The following KIAA0319 variants were observed in gnomAD, a reference collection of about 807,000 sequenced individuals.
KIAA0319 encodes the protein dyslexia-associated protein KIAA0319.
Under a neutral mutation model 108.4 loss-of-function variants are expected in KIAA0319, and 83 were observed. That is an observed-to-expected ratio of 0.77 (90% confidence interval 0.64 to 0.92). The LOEUF is 0.92. Among genes scored for constraint, KIAA0319 ranks in the 40% least tolerant of loss-of-function variants. The pLI, the probability that KIAA0319 is intolerant of heterozygous loss-of-function variation, is 0.00. For synonymous variants in KIAA0319, 484 were observed against 510.4 expected, an observed-to-expected ratio of 0.95 and a Z score of 0.70; for missense variants, 1,195 against 1,322.4, an observed-to-expected ratio of 0.90 and a Z score of 1.49.
chr6:24,580,360 C>T (rs1766306486), intron 7 of KIAA0319, among the ~76,000 whole-genome samples: 1 of 145,968 alleles, frequency 6.9e-6, no homozygotes, highest in Non-Finnish European at 1.5e-5. Context: ...GCTGTCAGGC[C>T]CTCAGGGTGG....
intron 16 of KIAA0319, among the ~76,000 whole-genome samples, chr6:24,562,244 T>C (rs1438510826): frequency 6.6e-6 from 1 of 152,260 alleles, no homozygotes; most frequent in Non-Finnish European, 1.5e-5. Flanking sequence ...GATTTATCAA[T>C]TTTGCTGATC....
chr6:24,564,430 T>A, intron 14 of KIAA0319, 90 bp from the exon 15 acceptor site: 1 of 1,525,818 alleles, frequency 6.6e-7, no homozygotes, highest in Non-Finnish European at 9.0e-7. Context: ...GTGTCCCATC[T>A]TTTTAACACA....
At chr6:24,611,163 T>C (rs1355253250) in intron 1 of KIAA0319, among the ~76,000 whole-genome samples, 1 of 151,168 alleles carries the variant, frequency 6.6e-6, no homozygotes, top group East Asian at 1.9e-4. Flanking sequence ...TTATAAGATG[T>C]ACAGTTTTTG....
chr6:24,590,888 G>GACA (rs1768365656), intron 3 of KIAA0319, among the ~76,000 whole-genome samples: 1 of 152,132 alleles, frequency 6.6e-6, no homozygotes, highest in African/African-American at 2.4e-5. Context: ...GGTCCTCTCT[G>GACA]ACAAACCCCT....
intron 1 of KIAA0319, among the ~76,000 whole-genome samples, chr6:24,613,447 G>C (rs1772680958): frequency 6.6e-6 from 1 of 152,030 alleles, no homozygotes; most frequent in Non-Finnish European, 1.5e-5. Context: ...TGTGCCCTGG[G>C]CAGCCCATTT....
chr6:24,586,730 G>T (rs904537280), intron 4 of KIAA0319, among the ~76,000 whole-genome samples: 1 of 149,176 alleles, frequency 6.7e-6, no homozygotes, highest in Non-Finnish European at 1.5e-5. Context: ...TTATAAACTT[G>T]TTTTTTTTTT....
chr6:24,588,189 G>A (rs895027591), intron 4 of KIAA0319, among the ~76,000 whole-genome samples: 5 of 152,190 alleles, frequency 3.3e-5, no homozygotes, highest in Non-Finnish European at 7.3e-5. Context: ...CAATGATCAC[G>A]ATTGTTATGA....
intron 10 of KIAA0319, among the ~76,000 whole-genome samples, chr6:24,574,420 G>C (rs1405383851): frequency 6.6e-6 from 1 of 152,160 alleles, no homozygotes; most frequent in East Asian, 1.9e-4. Context: ...CTGGGTGACA[G>C]AGTGAGACCC....
intron 1 of KIAA0319, among the ~76,000 whole-genome samples, chr6:24,622,021 G>T (rs899876290): frequency 1.3e-5 from 2 of 152,184 alleles, no homozygotes; most frequent in African/African-American, 4.8e-5. Context: ...GAAAAGGAGA[G>T]TCAACAGAGT....
chr6:24,549,614 A>C (rs992786682), intron 20 of KIAA0319, among the ~76,000 whole-genome samples: 1 of 152,208 alleles, frequency 6.6e-6, no homozygotes, highest in African/African-American at 2.4e-5. Flanking sequence ...TACTTGGGCA[A>C]GTTGCTAAAC....
chr6:24,545,363 T>C lies in KIAA0319; in HGVS notation c.*1802A>G, dbSNP rs923046817. ...ATGAGTATGTAAACTGCATATGTTATGTACATAAAGCGGTAAATGTTCACT... is the reference window on the plus strand; with the variant it reads ...ATGAGTATGTAAACTGCATATGTTACGTACATAAAGCGGTAAATGTTCACT... On this transcript the variant is annotated 3_prime_UTR_variant, in exon 21 of 21. Transcript: ENST00000378214. 1.8e-4 allele frequency: 27 copies of C among 152,208 alleles called. No homozygotes were observed. Among genetic ancestry groups the C allele is most frequent in the African/African-American group, 6.5e-4 (27 of 41,436 alleles). The allele number at this position is 152,208 out of a possible 1,614,324, so 9.4% of individuals were successfully genotyped here.
intron 18 of KIAA0319, among the ~76,000 whole-genome samples, chr6:24,555,244 C>A (rs1043818019): frequency 4.6e-5 from 7 of 152,174 alleles, no homozygotes; most frequent in Non-Finnish European, 7.3e-5. Context: ...CGCCTGTAAT[C>A]CCAACACTCT....
At chr6:24,579,179 G>C (rs559173133) in intron 8 of KIAA0319, among the ~76,000 whole-genome samples, 1 of 152,158 alleles carries the variant, frequency 6.6e-6, no homozygotes, top group South Asian at 2.1e-4. Flanking sequence ...GTTGAACCTA[G>C]TCAACCACAG....
chr6:24,561,917 G>T (rs1763158734), intron 16 of KIAA0319, among the ~76,000 whole-genome samples: 1 of 152,174 alleles, frequency 6.6e-6, no homozygotes, highest in Non-Finnish European at 1.5e-5. Flanking sequence ...TGGCCAGGCT[G>T]GTCTTGAACT....
chr6:24,547,072 T>G lies in KIAA0319; in HGVS notation c.*93A>C. 8.3e-5 allele frequency: 109 copies of G among 1,319,346 alleles called. No individual in the cohort carries two copies. Among genetic ancestry groups the G allele is most frequent in the Non-Finnish European group, 1.1e-4 (102 of 932,262 alleles). The allele number at this position is 1,319,346 out of a possible 1,614,324, so 81.7% of individuals were successfully genotyped here. A position where few individuals can be genotyped will look rare whatever the true frequency, so the allele number is the denominator to read the frequency against. ...CTAACCCACTGGGGAAGAAGGTCAA[T>G]GAACTATTCTAAAAGAGTGGGTTTT... On this transcript the variant is annotated 3_prime_UTR_variant, in exon 21 of 21. Transcript: ENST00000378214.
intron 20 of KIAA0319, among the ~76,000 whole-genome samples, chr6:24,550,676 T>C (rs1384146424): frequency 6.6e-6 from 1 of 152,214 alleles, no homozygotes; most frequent in Non-Finnish European, 1.5e-5. Flanking sequence ...AATGTCCTCT[T>C]GCTGCATTTC....
At chr6:24,560,667 C>T (rs1252305701) in intron 16 of KIAA0319, among the ~76,000 whole-genome samples, 2 of 152,168 alleles carry the variant, frequency 1.3e-5, no homozygotes, top group Admixed American at 1.3e-4. Flanking sequence ...CCTTGGTATT[C>T]CTTGGCTTGT....
chr6:24,557,062 G>T (rs185588108), intron 17 of KIAA0319, among the ~76,000 whole-genome samples: 34 of 152,254 alleles, frequency 2.2e-4, no homozygotes, highest in Non-Finnish European at 3.4e-4. Context: ...AAAATTAGCT[G>T]GGCATGGTGG....
intron 13 of KIAA0319, among the ~76,000 whole-genome samples, chr6:24,567,529 C>CCA (rs1201744466): frequency 1.3e-5 from 2 of 151,846 alleles, no homozygotes; most frequent in Non-Finnish European, 2.9e-5. Flanking sequence ...AGACCCGTCT[C>CCA]CACACACACA....
Sources: gnomAD v4.1 joint callset for allele counts (sites outside exome capture counted in the v4.1 genomes callset) on GRCh38, gnomAD v4.1.1 for gene constraint, MANE v1.5 for transcripts, NCBI Gene and HGNC (gene_info 2026-07-23, HGNC 2026-07-21) for gene names.